Variants in ADAM12 observed in about 807,000 individuals in gnomAD.
ADAM12 encodes ADAM metallopeptidase domain 12.
ADAM12 carries 70 observed loss-of-function variants against 106.4 expected under a neutral mutation model. The ratio of observed to expected loss-of-function variants is 0.66; its 90% CI spans 0.54 to 0.80. ADAM12 has a LOEUF of 0.80. Ranked by LOEUF, ADAM12 falls within the 30% of genes least tolerant of loss-of-function variation. The pLI is 0.00. For missense variants in ADAM12, 1,010 were observed against 1,171.9 expected (o/e 0.86, Z 2.02); for synonymous variants, 420 against 433.5 (o/e 0.97, Z 0.39).
At chr10:126,368,558 G>T (rs1047952429) in intron 1 of ADAM12, among the ~76,000 whole-genome samples, 2 of 151,796 alleles carry the variant, frequency 1.3e-5, no homozygotes, top group Non-Finnish European at 2.9e-5. Context: ...ATCCATTGTG[G>T]ATGTAAATAA....
At chr10:126,207,565 C>T (rs949490156) in intron 3 of ADAM12, among the ~76,000 whole-genome samples, 5 of 152,182 alleles carry the variant, frequency 3.3e-5, no homozygotes, top group African/African-American at 9.7e-5. Flanking sequence ...TGCCCAGGAC[C>T]TTGTCTGTTA....
At chr10:126,193,819 T>C (rs898818163) in intron 3 of ADAM12, among the ~76,000 whole-genome samples, 2 of 152,090 alleles carry the variant, frequency 1.3e-5, no homozygotes, top group Admixed American at 1.3e-4. Flanking sequence ...ATCTCTTGAA[T>C]TCGGGAGGCA....
At chr10:126,166,313 A>G (rs1476871267) in intron 3 of ADAM12, among the ~76,000 whole-genome samples, 1 of 152,128 alleles carries the variant, frequency 6.6e-6, no homozygotes, top group Non-Finnish European at 1.5e-5. Flanking sequence ...AGGAGGGCTG[A>G]CTTGTCCACT....
chr10:126,208,582 TTACTTTTCAAC>T (rs1957839549), intron 3 of ADAM12, among the ~76,000 whole-genome samples: 1 of 152,222 alleles, frequency 6.6e-6, no homozygotes, highest in Admixed American at 6.5e-5. Flanking sequence ...GGATTTATCT[TTACTTTTCAAC>T]GGCAGCTGAC....
chr10:126,036,350 T>C, intron 20 of ADAM12, 25 bp from the exon 21 acceptor site: 1 of 1,561,848 alleles, frequency 6.4e-7, no homozygotes, highest in Non-Finnish European at 8.6e-7. Context: ...TAAAAAGCCA[T>C]GCTATAGCGG....
rs542467209 is a variant in ADAM12, at chr10:126,372,034, A to T, written c.88+16024T>A. ...ACAATCTCAAATAGTCCTGGTTAAC[A>T]GAGATGCCCCTAATGGTAGACTGAT... On this transcript the variant is annotated intron_variant, in intron 1 of 22. Coordinates refer to ENST00000448723, the MANE Select transcript of ADAM12 (RefSeq NM_001288973.2). 1.5e-3 allele frequency among the ~76,000 whole-genome samples: 229 copies of T among 152,356 alleles called. 2 individuals are homozygous for T. Among genetic ancestry groups the T allele is most frequent in the African/African-American group, 5.3e-3 (222 of 41,584 alleles).
intron 3 of ADAM12, among the ~76,000 whole-genome samples, chr10:126,237,776 G>A (rs1958446825): frequency 6.6e-6 from 1 of 152,182 alleles, no homozygotes; most frequent in South Asian, 2.1e-4. Context: ...GCACTGCACA[G>A]CTTCAGAGGC....
chr10:126,173,279 T>C (rs1162333190), intron 3 of ADAM12, among the ~76,000 whole-genome samples: 1 of 151,980 alleles, frequency 6.6e-6, no homozygotes, highest in East Asian at 1.9e-4. Flanking sequence ...CAAATTGAAG[T>C]GTTAAGAGGA....
At chr10:126,319,083 G>A (rs947557327) in intron 2 of ADAM12, among the ~76,000 whole-genome samples, 30 of 152,194 alleles carry the variant, frequency 2.0e-4, no homozygotes, top group African/African-American at 7.0e-4. Flanking sequence ...AGATTTGGGT[G>A]GGGACACTGC....
At chr10:126,281,472 G>A (rs1249802308) in intron 2 of ADAM12, among the ~76,000 whole-genome samples, 1 of 152,162 alleles carries the variant, frequency 6.6e-6, no homozygotes, top group Non-Finnish European at 1.5e-5. Context: ...TCCACATAAA[G>A]TACTAGAAGT....
intron 11 of ADAM12, among the ~76,000 whole-genome samples, chr10:126,081,620 T>C (rs1278341): frequency 4.6e-5 from 7 of 152,104 alleles, no homozygotes; most frequent in African/African-American, 7.2e-5. Context: ...CCGAAGCCTA[T>C]GTCTGAGCAG....
chr10:126,311,015 TCTGAG>T (rs1961060610), intron 2 of ADAM12, among the ~76,000 whole-genome samples: 1 of 151,960 alleles, frequency 6.6e-6, no homozygotes, highest in Admixed American at 6.6e-5. Flanking sequence ...GGATGCCTCC[TCTGAG>T]CTGAGCTAAT....
intron 3 of ADAM12, among the ~76,000 whole-genome samples, chr10:126,264,775 C>A (rs1227883738): frequency 6.6e-6 from 1 of 152,010 alleles, no homozygotes; most frequent in Non-Finnish European, 1.5e-5. Flanking sequence ...TGGAAACAGT[C>A]CTCCAAGGGA....
chr10:126,132,744 C>T (rs1020543842), intron 5 of ADAM12, among the ~76,000 whole-genome samples: 6 of 152,058 alleles, frequency 3.9e-5, no homozygotes, highest in African/African-American at 1.5e-4. Flanking sequence ...GCCCAGTGAC[C>T]TGTCCATCGT....
chr10:126,167,735 C>G (rs1033562690), intron 3 of ADAM12, among the ~76,000 whole-genome samples: 1 of 152,164 alleles, frequency 6.6e-6, no homozygotes, highest in African/African-American at 2.4e-5. Context: ...TTCTAATTGC[C>G]CTTCTTGCCC....
intron 18 of ADAM12, among the ~76,000 whole-genome samples, chr10:126,042,730 A>G (rs756625694): frequency 4.6e-5 from 7 of 152,256 alleles, no homozygotes; most frequent in Admixed American, 4.6e-4. Context: ...GTACTTTGAT[A>G]CAGTGATGAC....
At position 126,106,344 on chromosome 10, in the gene ADAM12, G is replaced by C. The variant is rs558253477; in HGVS notation, c.741+2249C>G. Reference sequence around the variant, plus strand: ...CCTGAGAGTGTGTGCAAAGCACTTAGAGCCCGGCACACAGTAACTGGTAAA... The same window carrying C: ...CCTGAGAGTGTGTGCAAAGCACTTACAGCCCGGCACACAGTAACTGGTAAA... On this transcript the variant is annotated intron_variant, in intron 8 of 22. Transcript: ENST00000448723. Among the ~76,000 whole-genome samples the C allele has an allele frequency of 3.3e-5, 5 of 152,218 alleles. No homozygotes were observed. In the South Asian group the frequency reaches 1.0e-3, roughly 32 times the overall value.
chr10:126,348,753 A>T (rs1231604735), intron 1 of ADAM12, among the ~76,000 whole-genome samples: 1 of 152,208 alleles, frequency 6.6e-6, no homozygotes, highest in Non-Finnish European at 1.5e-5. Flanking sequence ...GCGAACCATA[A>T]ATTGGGATCC....
intron 3 of ADAM12, among the ~76,000 whole-genome samples, chr10:126,215,212 C>T (rs534092126): frequency 8.7e-4 from 133 of 152,314 alleles, no homozygotes; most frequent in Non-Finnish European, 1.3e-3. Flanking sequence ...ACTGGCTGTA[C>T]GGCCTGGATG....
Sources: allele counts gnomAD v4.1 joint callset (sites outside exome capture counted in the v4.1 genomes callset), GRCh38; gene constraint gnomAD v4.1.1; transcripts MANE v1.5; gene names NCBI Gene and HGNC (gene_info 2026-07-23, HGNC 2026-07-21).